PIP4K2A: variants seen among roughly 807,000 people sequenced by gnomAD.
The protein encoded by PIP4K2A is phosphatidylinositol-5-phosphate 4-kinase type 2 alpha.
Under a neutral mutation model 42.9 loss-of-function variants are expected in PIP4K2A, and 14 were observed. The observed-to-expected ratio is 0.33, with a 90% CI of 0.22 to 0.51. The LOEUF is 0.51. Among genes scored for constraint, PIP4K2A ranks in the 20% least tolerant of loss-of-function variants. The pLI is 0.97. For synonymous variants in PIP4K2A, 192 were observed against 192.2 expected, an observed-to-expected ratio of 1.00 and a Z score of 0.01; for missense variants, 434 against 519.8, an observed-to-expected ratio of 0.83 and a Z score of 1.61.
chr10:22,700,390 C>A (rs1833691651), intron 1 of PIP4K2A, among the ~76,000 whole-genome samples: 1 of 152,148 alleles, frequency 6.6e-6, no homozygotes, highest in Non-Finnish European at 1.5e-5. Flanking sequence ...ACTTTATAAA[C>A]CCCACTTTCT....
intron 1 of PIP4K2A, among the ~76,000 whole-genome samples, chr10:22,685,677 C>T (rs1477734820): frequency 2.0e-5 from 3 of 152,090 alleles, no homozygotes; most frequent in Non-Finnish European, 4.4e-5. Flanking sequence ...GCTATGATCC[C>T]ACCACTGCAT....
At chr10:22,622,765 G>A (rs1355568537) in intron 1 of PIP4K2A, among the ~76,000 whole-genome samples, 1 of 152,166 alleles carries the variant, frequency 6.6e-6, no homozygotes, top group Non-Finnish European at 1.5e-5. Context: ...TAGCATGAAG[G>A]AGACTATAAC....
intron 3 of PIP4K2A, among the ~76,000 whole-genome samples, chr10:22,604,653 A>G (rs1342926558): frequency 1.3e-5 from 2 of 152,262 alleles, no homozygotes; most frequent in African/African-American, 4.8e-5. Context: ...TCACATTGAT[A>G]AGCTCAGAAA....
chr10:22,567,974 A>G, intron 5 of PIP4K2A, 85 bp from the exon 6 acceptor site: 1 of 1,223,366 alleles, frequency 8.2e-7, no homozygotes, highest in Non-Finnish European at 1.2e-6. Context: ...CTCCAGGCGG[A>G]GCAGAGAGCC....
intron 1 of PIP4K2A, among the ~76,000 whole-genome samples, chr10:22,618,010 TATG>T (rs1312112199): frequency 3.3e-5 from 5 of 152,218 alleles, no homozygotes; most frequent in African/African-American, 1.2e-4. Context: ...CATAACTTGA[TATG>T]ATGACTATTC....
chr10:22,572,308 T>C (rs1837009525), intron 5 of PIP4K2A, among the ~76,000 whole-genome samples: 1 of 152,184 alleles, frequency 6.6e-6, no homozygotes, highest in Non-Finnish European at 1.5e-5. Context: ...GGTATTCCAA[T>C]AAAAATGTAT....
At chr10:22,600,891 T>C (rs2559520) in intron 3 of PIP4K2A, among the ~76,000 whole-genome samples, 133,119 of 152,040 alleles carry the variant, frequency 0.88, 58,366 homozygotes, top group East Asian at 0.97. Context: ...TGATCTCAAG[T>C]GAAGAATAGC....
chr10:22,689,191 C>A (rs1335300560), intron 1 of PIP4K2A, among the ~76,000 whole-genome samples: 2 of 152,066 alleles, frequency 1.3e-5, no homozygotes, highest in Non-Finnish European at 1.5e-5. Flanking sequence ...CCCTCACCCC[C>A]TCTCTTCTCC....
intron 1 of PIP4K2A, among the ~76,000 whole-genome samples, chr10:22,638,392 A>G (rs1037243636): frequency 9.9e-5 from 15 of 152,140 alleles, no homozygotes; most frequent in Non-Finnish European, 1.9e-4. Flanking sequence ...TCTGACCTCA[A>G]TTTATAGCCT....
intron 1 of PIP4K2A, among the ~76,000 whole-genome samples, chr10:22,688,124 A>G (rs530222103): frequency 1.3e-5 from 2 of 152,368 alleles, no homozygotes; most frequent in Non-Finnish European, 2.9e-5. Flanking sequence ...CTGAAAATGT[A>G]TTCAGTTCAC....
intron 6 of PIP4K2A, among the ~76,000 whole-genome samples, chr10:22,557,441 A>C (rs1836580894): frequency 6.6e-6 from 1 of 152,232 alleles, no homozygotes; most frequent in Non-Finnish European, 1.5e-5. Flanking sequence ...TGTTTACCAA[A>C]AGAGTTAAAT....
chr10:22,611,103 A>G (rs973642157), intron 1 of PIP4K2A, among the ~76,000 whole-genome samples: 9 of 152,258 alleles, frequency 5.9e-5, no homozygotes, highest in African/African-American at 1.7e-4. Context: ...AAATCTGTAG[A>G]TACAGTTGGG....
chr10:22,712,214 T>C (rs191324034), intron 1 of PIP4K2A, among the ~76,000 whole-genome samples: 1 of 152,342 alleles, frequency 6.6e-6, no homozygotes. Flanking sequence ...TCAAAATATT[T>C]CCAATTAGCA....
chr10:22,702,304 T>C (rs1018999447), intron 1 of PIP4K2A, among the ~76,000 whole-genome samples: 10 of 152,200 alleles, frequency 6.6e-5, no homozygotes, highest in Non-Finnish European at 1.2e-4. Flanking sequence ...ATTCTTACAA[T>C]GTTTATGCAA....
At position 22,632,923 on chromosome 10, in the gene PIP4K2A, C is replaced by T. The variant is rs142910377; in HGVS notation, c.145-23206G>A. Among the ~76,000 whole-genome samples the T allele has an allele frequency of 1.8e-3, 281 of 152,172 alleles. 1 individual carries two copies. In the East Asian group the frequency reaches 0.026, roughly 14 times the overall value. ...ATTCTTTGGTTTTCTATTTGTATGG[C>T]CCCTTTTCATCCTCAACATTCATCA... is the stretch of plus-strand genomic sequence containing the variant. On this transcript the variant is annotated intron_variant, in intron 1 of 9. Coordinates refer to ENST00000376573, the MANE Select transcript of PIP4K2A (RefSeq NM_005028.5).
At chr10:22,612,997 G>C (rs76925324) in intron 1 of PIP4K2A, among the ~76,000 whole-genome samples, 1 of 152,258 alleles carries the variant, frequency 6.6e-6, no homozygotes, top group East Asian at 1.9e-4. Flanking sequence ...CTTCAAGAAC[G>C]GGAATGTTTC....
intron 1 of PIP4K2A, among the ~76,000 whole-genome samples, chr10:22,653,571 G>A (rs1839036291): frequency 6.6e-6 from 1 of 152,198 alleles, no homozygotes; most frequent in Admixed American, 6.5e-5. Context: ...GGGCCCTGGT[G>A]CTTTGGAATT....
At chr10:22,688,320 T>C (rs1007270859) in intron 1 of PIP4K2A, among the ~76,000 whole-genome samples, 9 of 152,192 alleles carry the variant, frequency 5.9e-5, no homozygotes, top group Admixed American at 1.3e-4. Context: ...TGAAGGACTA[T>C]AGCTAATAAA....
intron 4 of PIP4K2A, among the ~76,000 whole-genome samples, chr10:22,583,493 G>C (rs1377227455): frequency 6.6e-6 from 1 of 152,146 alleles, no homozygotes; most frequent in Non-Finnish European, 1.5e-5. Context: ...AGGTGTTGGA[G>C]GTGCTAGACA....
Sources: gnomAD v4.1 joint callset for allele counts (sites outside exome capture counted in the v4.1 genomes callset) on GRCh38, gnomAD v4.1.1 for gene constraint, MANE v1.5 for transcripts, NCBI Gene and HGNC (gene_info 2026-07-23, HGNC 2026-07-21) for gene names.